Variants in SLC26A7 observed in about 807,000 individuals in gnomAD.
SLC26A7 encodes anion exchange transporter.
A neutral mutation model predicts 82.5 loss-of-function variants in SLC26A7; 59 were observed. That is an observed-to-expected ratio of 0.72 (90% CI 0.58 to 0.89). The LOEUF (loss-of-function observed/expected upper bound fraction) is 0.89. SLC26A7 is among the 40% of genes least tolerant of loss of function. The pLI is 0.00. For missense variants in SLC26A7, 820 were observed against 793.0 expected, an observed-to-expected ratio of 1.03 and a Z score of -0.41; for synonymous variants, 271 against 274.3, an observed-to-expected ratio of 0.99 and a Z score of 0.12.
chr8:91,291,630 C>T (rs907395275), intron 3 of SLC26A7, among the ~76,000 whole-genome samples: 5 of 152,124 alleles, frequency 3.3e-5, no homozygotes, highest in African/African-American at 1.2e-4. Flanking sequence ...TTTGAACATA[C>T]TTAAATACGT....
Position 91,351,857 on chromosome 8 carries a change from A to G in SLC26A7, c.1188A>G (p.Ala396=). 6.2e-7 allele frequency: 1 copy of G among 1,612,608 alleles called. No individual in the cohort carries two copies. Among genetic ancestry groups the G allele is most frequent in the Non-Finnish European group, 8.5e-7 (1 of 1,178,936 alleles). ...SCIFVLIVIY[A]IGPLLYWLPM... ...TTTTCGTCCTTATAGTCATCTATGC[A>G]ATAGGACCTTTGCTTTACTGGCTGC... The change falls in exon 10 of 19, where the codon GCA becomes GCG. Residue 396 remains alanine, a synonymous_variant. Coordinates refer to ENST00000276609, the MANE Select transcript of SLC26A7 (RefSeq NM_052832.4).
At chr8:91,238,611 T>C (rs914512028) in intron 2 of SLC26A7, among the ~76,000 whole-genome samples, 1 of 151,084 alleles carries the variant, frequency 6.6e-6, no homozygotes, top group Non-Finnish European at 1.5e-5. Flanking sequence ...TTATTACTAA[T>C]ATCAAGAATA....
chr8:91,367,872 A>G (rs1381486530), intron 14 of SLC26A7, among the ~76,000 whole-genome samples: 1 of 152,006 alleles, frequency 6.6e-6, no homozygotes, highest in African/African-American at 2.4e-5. Flanking sequence ...TGACCCTCCC[A>G]TTTCTGATGT....
Position 91,373,660 on chromosome 8 carries a change from A to T in SLC26A7, c.1675+3827A>T, listed in dbSNP as rs187556151. 1.2e-3 allele frequency among the ~76,000 whole-genome samples: 189 copies of T among 152,126 alleles called. 1 individual carries two copies. Among genetic ancestry groups the T allele is most frequent in the African/African-American group, 4.4e-3 (184 of 41,554 alleles). On this transcript the variant is annotated intron_variant, in intron 15 of 18. Transcript: ENST00000276609. Reference sequence around the variant, plus strand: ...GTTGAAAATTTTTGTGTCTTTGTTCATCAGGGATATTGGCCTTTAGTACTA... The same window carrying T: ...GTTGAAAATTTTTGTGTCTTTGTTCTTCAGGGATATTGGCCTTTAGTACTA...
rs1242295898 is a variant in SLC26A7 at position 91,249,783 on chromosome 8, A to G, written c.132A>G (p.Lys44=). 5.0e-6 allele frequency: 8 copies of G among 1,612,542 alleles called. No individual in the cohort carries two copies. The South Asian group carries it at 6.6e-5, about 13-fold the overall frequency. Reference sequence around the variant, plus strand: ...ATTGGGCACCACATTACAATCTGAAAGAAAACTTGCTTCCAGACACTGTGT... The same window carrying G: ...ATTGGGCACCACATTACAATCTGAAGGAAAACTTGCTTCCAGACACTGTGT... ...ILDWAPHYNL[K]ENLLPDTVSG... The change falls in exon 2 of 19, where the codon AAA becomes AAG. Residue 44 remains lysine (K), a synonymous_variant. Transcript: ENST00000276609.
chr8:91,348,345 A>G (rs1249063560), intron 9 of SLC26A7: 2 of 985,228 alleles, frequency 2.0e-6, no homozygotes, highest in Non-Finnish European at 2.4e-6. Context: ...TTCTTTGACA[A>G]CTGCTTAGGA....
At chr8:91,310,447 G>T (rs1432492914) in intron 4 of SLC26A7, among the ~76,000 whole-genome samples, 1 of 152,138 alleles carries the variant, frequency 6.6e-6, no homozygotes, top group Non-Finnish European at 1.5e-5. Context: ...CTGTAGAAGG[G>T]TGATTTGGCA....
At chr8:91,376,519 C>T (rs1814521285) in intron 15 of SLC26A7, among the ~76,000 whole-genome samples, 1 of 152,144 alleles carries the variant, frequency 6.6e-6, no homozygotes, top group South Asian at 2.1e-4. Flanking sequence ...AGCTTCTGTG[C>T]ACTGGCTTTC....
chr8:91,264,261 G>C (rs1182717166), intron 2 of SLC26A7, among the ~76,000 whole-genome samples: 2 of 152,034 alleles, frequency 1.3e-5, no homozygotes, highest in Non-Finnish European at 2.9e-5. Context: ...TCTCCAACAA[G>C]CTCAAGCAAA....
rs151128435 is a variant in SLC26A7, at chr8:91,343,775, A to G, written c.1140+309A>G. Among the ~76,000 whole-genome samples the G allele has an allele frequency of 1.4e-3, 213 of 152,314 alleles. 6 individuals carry two copies. In the East Asian group the frequency reaches 0.037, roughly 26 times the overall value. On this transcript the variant is annotated intron_variant, in intron 9 of 18. Transcript: ENST00000276609. Reference sequence around the variant, plus strand: ...TTTCTTTCTAATCTAAATGGTCAACATGACGTTTTCCCATTTTTGTTAACT... The same window carrying G: ...TTTCTTTCTAATCTAAATGGTCAACGTGACGTTTTCCCATTTTTGTTAACT...
chr8:91,247,251 A>T (rs1363834872), upstream of SLC26A7, among the ~76,000 whole-genome samples: 1 of 152,246 alleles, frequency 6.6e-6, no homozygotes, highest in East Asian at 1.9e-4. Context: ...TATAGGTATT[A>T]TCCCAGATGT....
intron 7 of SLC26A7, among the ~76,000 whole-genome samples, chr8:91,339,841 G>A (rs1244567115): frequency 6.6e-6 from 1 of 152,004 alleles, no homozygotes; most frequent in Non-Finnish European, 1.5e-5. Flanking sequence ...TGAAGCAGAG[G>A]GTTAGTTAGA....
chr8:91,384,519 C>T (rs941231405), intron 15 of SLC26A7, among the ~76,000 whole-genome samples: 22 of 152,112 alleles, frequency 1.4e-4, no homozygotes, highest in Admixed American at 1.1e-3. Context: ...GATTAAAATG[C>T]GTGCATCCTT....
At chr8:91,372,543 G>A (rs1176729922) in intron 15 of SLC26A7, among the ~76,000 whole-genome samples, 1 of 151,718 alleles carries the variant, frequency 6.6e-6, no homozygotes, top group Non-Finnish European at 1.5e-5. Flanking sequence ...TTGGTTATAG[G>A]TATGTGGATT....
chr8:91,368,796 A>G (rs1423987762), intron 14 of SLC26A7, among the ~76,000 whole-genome samples: 2 of 152,202 alleles, frequency 1.3e-5, no homozygotes, highest in Non-Finnish European at 2.9e-5. Flanking sequence ...CAGTCCCTTT[A>G]ATCAGGCTAA....
chr8:91,288,264 G>A (rs773273320), intron 2 of SLC26A7, among the ~76,000 whole-genome samples: 126 of 152,112 alleles, frequency 8.3e-4, no homozygotes, highest in Non-Finnish European at 1.6e-3. Flanking sequence ...AAGTCTCTTT[G>A]TAACATGTAA....
At position 91,343,430 on chromosome 8, in the gene SLC26A7, G is replaced by A. The variant is rs1363043777; in HGVS notation, c.1104G>A (p.Arg368=). The A allele has an allele frequency of 1.6e-5, 25 of 1,612,766 alleles. No individual in the cohort carries two copies. The highest frequency in any genetic ancestry group is 2.1e-5 in the Non-Finnish European group (25 of 1,179,880). The stretch of plus-strand genomic sequence containing the variant: ...TACCAAGTGCTGCTGCCATGGGAAG[G>A]ACGGCTGGCCTGTACAGCACAGGAG... The part of the protein sequence containing the change: ...FCIPSAAAMG[R]TAGLYSTGAK... The change falls in exon 9 of 19, where the codon AGG becomes AGA. Residue 368 remains arginine, a synonymous_variant. Coordinates refer to ENST00000276609, the MANE Select transcript of SLC26A7 (RefSeq NM_052832.4).
At chr8:91,288,988 T>G in intron 2 of SLC26A7, 148 bp from the exon 3 acceptor site, 1 of 541,864 alleles carries the variant, frequency 1.8e-6, no homozygotes, top group Non-Finnish European at 3.3e-6. Context: ...TTTCTTTTAT[T>G]TAGGGCAATA....
intron 2 of SLC26A7, among the ~76,000 whole-genome samples, chr8:91,286,393 G>T (rs1044988495): frequency 6.6e-6 from 1 of 152,038 alleles, no homozygotes; most frequent in Non-Finnish European, 1.5e-5. Flanking sequence ...AAGTCTTCTC[G>T]TGACCATTCT....
Sources: allele counts gnomAD v4.1 joint callset (sites outside exome capture counted in the v4.1 genomes callset), GRCh38; gene constraint gnomAD v4.1.1; transcripts MANE v1.5; gene names NCBI Gene and HGNC (gene_info 2026-07-23, HGNC 2026-07-21).